GPC6: variants seen among roughly 807,000 people sequenced by gnomAD.
GPC6 encodes the protein glypican-6.
GPC6 carries 14 observed loss-of-function variants against 55.2 expected under a neutral mutation model. The observed-to-expected ratio is 0.25, with a 90% CI of 0.17 to 0.40. The LOEUF is 0.40. Among genes scored for constraint, GPC6 ranks in the 10% least tolerant of loss-of-function variants. The pLI is 1.00. For missense variants in GPC6, 641 were observed against 708.5 expected, an observed-to-expected ratio of 0.90 and a Z score of 1.08; for synonymous variants, 278 against 259.6, an observed-to-expected ratio of 1.07 and a Z score of -0.68.
chr13:94,268,271 ACAGC>A (rs1286302682), intron 4 of GPC6, among the ~76,000 whole-genome samples: 1 of 152,226 alleles, frequency 6.6e-6, no homozygotes, highest in Non-Finnish European at 1.5e-5. Context: ...CATTTAAAAG[ACAGC>A]CACATTTTTG....
chr13:93,405,654 T>C (rs923827972), intron 1 of GPC6, among the ~76,000 whole-genome samples: 1 of 152,116 alleles, frequency 6.6e-6, no homozygotes, highest in East Asian at 1.9e-4. Flanking sequence ...TCCTTTTTTT[T>C]TTCTTCAAGG....
At chr13:93,809,227 C>T (rs1459739671) in intron 2 of GPC6, among the ~76,000 whole-genome samples, 2 of 152,132 alleles carry the variant, frequency 1.3e-5, no homozygotes, top group Non-Finnish European at 2.9e-5. Context: ...CCTTCCTTGC[C>T]CTGCAAATAA....
At chr13:93,879,001 G>A (rs1246673347) in intron 3 of GPC6, among the ~76,000 whole-genome samples, 1 of 152,066 alleles carries the variant, frequency 6.6e-6, no homozygotes, top group East Asian at 1.9e-4. Context: ...GAGCAGACAA[G>A]TGATAAGCGT....
chr13:93,622,152 T>C (rs1878982716), intron 2 of GPC6, among the ~76,000 whole-genome samples: 1 of 152,200 alleles, frequency 6.6e-6, no homozygotes, highest in Non-Finnish European at 1.5e-5. Flanking sequence ...AACCTCTTGC[T>C]GGTGTCACAC....
intron 6 of GPC6, among the ~76,000 whole-genome samples, chr13:94,355,859 T>C (rs1424489255): frequency 6.6e-6 from 1 of 152,208 alleles, no homozygotes; most frequent in Non-Finnish European, 1.5e-5. Context: ...CATAGTGGTT[T>C]GCTGCACCTA....
intron 1 of GPC6, among the ~76,000 whole-genome samples, chr13:93,504,399 T>C (rs1265162740): frequency 6.6e-6 from 1 of 151,806 alleles, no homozygotes; most frequent in Non-Finnish European, 1.5e-5. Flanking sequence ...TTGGGTTCTC[T>C]CAACCCCTTC....
At chr13:93,535,560 T>C (rs1196949958) in intron 1 of GPC6, among the ~76,000 whole-genome samples, 1 of 152,068 alleles carries the variant, frequency 6.6e-6, no homozygotes, top group Non-Finnish European at 1.5e-5. Flanking sequence ...TAAATTTGAA[T>C]TGCATTAAAC....
intron 3 of GPC6, among the ~76,000 whole-genome samples, chr13:93,841,573 GA>G (rs1027920192): frequency 6.6e-6 from 1 of 152,164 alleles, no homozygotes; most frequent in Non-Finnish European, 1.5e-5. Flanking sequence ...AACCAAGAGT[GA>G]AAATGGACAG....
chr13:94,031,804 A>G (rs1432914098), intron 4 of GPC6, among the ~76,000 whole-genome samples: 1 of 152,234 alleles, frequency 6.6e-6, no homozygotes, highest in Non-Finnish European at 1.5e-5. Context: ...CTCCATAGAT[A>G]AGAATTGTTC....
At chr13:93,522,483 T>G (rs7338822) in intron 1 of GPC6, among the ~76,000 whole-genome samples, 143,258 of 151,962 alleles carry the variant, frequency 0.94, 68,096 homozygotes, top group East Asian at 1. Context: ...ATGTTTATCT[T>G]ACATATGTAT....
At chr13:94,048,063 G>A (rs1883795661) in intron 4 of GPC6, among the ~76,000 whole-genome samples, 1 of 151,770 alleles carries the variant, frequency 6.6e-6, no homozygotes, top group Non-Finnish European at 1.5e-5. Context: ...AAAAATTCCA[G>A]GAAGAAATAG....
In GPC6 at chr13:93,545,210, C is replaced by G; in HGVS notation, c.161-53C>G. ...AGTGTTAGAGAAGTGAAATCTCTAA[C>G]GTCTACCAAAAGTCCTTAGAATGCA... On this transcript the variant is annotated intron_variant, in intron 1 of 8. Transcript: ENST00000377047. 5 of 1,462,504 alleles carry G rather than the reference C, an allele frequency of 3.4e-6. No individual in the cohort carries two copies. In the Admixed American group the frequency reaches 8.4e-5, roughly 24 times the overall value. The allele number at this position is 1,462,504 out of a possible 1,614,324, so 90.6% of individuals were successfully genotyped here.
chr13:93,309,728 G>T (rs1239311379), intron 1 of GPC6, among the ~76,000 whole-genome samples: 1 of 152,120 alleles, frequency 6.6e-6, no homozygotes, highest in Non-Finnish European at 1.5e-5. Context: ...AGAAAGAAAA[G>T]CCCTGAATGG....
intron 2 of GPC6, among the ~76,000 whole-genome samples, chr13:93,593,985 T>G (rs1877609114): frequency 6.6e-6 from 1 of 152,070 alleles, no homozygotes; most frequent in Admixed American, 6.5e-5. Context: ...ATAGGGACAG[T>G]GGAAAATATA....
chr13:94,104,452 G>T (rs9516352), intron 4 of GPC6, among the ~76,000 whole-genome samples: 20,009 of 152,162 alleles, frequency 0.13, 1,622 homozygotes, highest in East Asian at 0.33. Context: ...TCAACATAGT[G>T]TTGGAAGTTC....
At chr13:93,391,081 CAA>C (rs1036014534) in intron 1 of GPC6, among the ~76,000 whole-genome samples, 1 of 151,876 alleles carries the variant, frequency 6.6e-6, no homozygotes, top group African/African-American at 2.4e-5. Flanking sequence ...GCTGTATCAC[CAA>C]GTTTGTTATA....
chr13:93,665,874 A>G (rs1881111929), intron 2 of GPC6, among the ~76,000 whole-genome samples: 1 of 152,188 alleles, frequency 6.6e-6, no homozygotes, highest in South Asian at 2.1e-4. Context: ...CATAAATGAT[A>G]TCTGCCACAC....
intron 1 of GPC6, among the ~76,000 whole-genome samples, chr13:93,511,042 G>T (rs1475017370): frequency 2.6e-5 from 2 of 78,004 alleles, no homozygotes; most frequent in African/African-American, 4.3e-5. Flanking sequence ...GAGATTATTT[G>T]TTTTTTTTTC....
Position 93,556,373 on chromosome 13 carries a change from AGTGT to A in GPC6, c.319+10971_319+10974del, listed in dbSNP as rs56706276. On this transcript the variant is annotated intron_variant, in intron 2 of 8. Transcript: ENST00000377047. ...TTATTTTTAATTTTTGTGGGTAAAT[AGTGT>A]GTGTGTGTGTGTGTGTGTATGTATG... Among the ~76,000 whole-genome samples the A allele has an allele frequency of 1.6e-3, 213 of 134,182 alleles. 2 individuals are homozygous for A. Among genetic ancestry groups the A allele is most frequent in the South Asian group, 9.9e-3 (38 of 3,856 alleles). The allele number at this position is 134,182 out of a possible 152,430, so 88.0% of individuals were successfully genotyped here.
Sources: gnomAD v4.1 joint callset for allele counts (sites outside exome capture counted in the v4.1 genomes callset) on GRCh38, gnomAD v4.1.1 for gene constraint, MANE v1.5 for transcripts, NCBI Gene and HGNC (gene_info 2026-07-23, HGNC 2026-07-21) for gene names.